The following AGBL3 variants were observed in gnomAD, a reference collection of about 807,000 sequenced individuals.
AGBL3 encodes the protein AGBL carboxypeptidase 3, also known as cytosolic carboxypeptidase 3.
AGBL3 carries 68 observed loss-of-function variants against 94.5 expected under a neutral mutation model. That is an observed-to-expected ratio of 0.72 (90% CI 0.59 to 0.88). The LOEUF (loss-of-function observed/expected upper bound fraction) is 0.88. Ranked by LOEUF, AGBL3 falls within the 40% of genes least tolerant of loss-of-function variation. The pLI is 0.00. For synonymous variants in AGBL3, 354 were observed against 370.7 expected, an observed-to-expected ratio of 0.95 and a Z score of 0.52; for missense variants, 934 against 1,103.8, an observed-to-expected ratio of 0.85 and a Z score of 2.18.
chr7:135,026,277 A>ATTTTATTTTATTTTATTTTATTTTAT (rs1815130352), intron 5 of AGBL3, among the ~76,000 whole-genome samples: 2 of 118,634 alleles, frequency 1.7e-5, no homozygotes, highest in African/African-American at 4.2e-5. Flanking sequence ...ATTTTATTTT[A>ATTTTATTTTATTTTATTTTATTTTAT]TTTTATTTTA....
At chr7:135,048,486 AG>A (rs1230986765) in intron 11 of AGBL3, among the ~76,000 whole-genome samples, 21 of 151,950 alleles carry the variant, frequency 1.4e-4, no homozygotes, top group Admixed American at 1.3e-3. Context: ...ATCCACCAAC[AG>A]GGGATGTCTT....
chr7:134,989,243 A>T lies in AGBL3; in HGVS notation c.64-7A>T. On this transcript the variant is annotated splice_polypyrimidine_tract_variant and splice_region_variant and intron_variant, in intron 2 of 16. Coordinates refer to ENST00000436302, the MANE Select transcript of AGBL3 (RefSeq NM_178563.4). ...AAAAGAGAAATATTTTTAAATTCTT[A>T]TTTTAGGATGAGGATATGTTCATGA... is the stretch of plus-strand genomic sequence containing the variant. 2 of 1,533,494 alleles carry T rather than the reference A, an allele frequency of 1.3e-6. No individual in the cohort carries two copies. Among genetic ancestry groups the T allele is most frequent in the Non-Finnish European group, 1.8e-6 (2 of 1,137,782 alleles). The allele number at this position is 1,533,494 out of a possible 1,614,324, so 95.0% of individuals were successfully genotyped here.
At chr7:135,102,965 G>A (rs1824077891) in intron 15 of AGBL3, among the ~76,000 whole-genome samples, 1 of 152,018 alleles carries the variant, frequency 6.6e-6, no homozygotes, top group Non-Finnish European at 1.5e-5. Flanking sequence ...ACACTGTTAA[G>A]AAAATTAAAA....
intron 12 of AGBL3, among the ~76,000 whole-genome samples, chr7:135,068,555 G>GC (rs1819582198): frequency 6.6e-6 from 1 of 152,210 alleles, no homozygotes; most frequent in African/African-American, 2.4e-5. Context: ...AACTCTACAA[G>GC]CCAGAAGAGA....
In AGBL3 at chr7:135,135,044, A is replaced by C; in HGVS notation, c.2546A>C (p.Asn849Thr). The change falls in exon 17 of 17, where the codon AAT (asparagine) becomes ACT (threonine). Residue 849 changes from asparagine (N) to threonine (T), a missense_variant. Transcript: ENST00000436302. ...NKHSQIWAIK[N>T]EDIKPLSSKW... ...CATTCTCAAATCTGGGCCATAAAGAATGAAGACATAAAACCTCTCAGCAGC... is the reference window on the plus strand; with the variant it reads ...CATTCTCAAATCTGGGCCATAAAGACTGAAGACATAAAACCTCTCAGCAGC... 1 of 1,551,280 alleles carries C rather than the reference A, an allele frequency of 6.4e-7. No individual in the cohort carries two copies. The highest frequency in any genetic ancestry group is 8.7e-7 in the Non-Finnish European group (1 of 1,146,680).
chr7:135,011,920 C>A (rs1448890701), intron 4 of AGBL3: 1 of 152,084 alleles, frequency 6.6e-6, no homozygotes, highest in Non-Finnish European at 1.5e-5. Context: ...CAGTTGTATA[C>A]CTAAAACTGA....
chr7:135,004,335 C>T (rs1052928061), intron 4 of AGBL3, among the ~76,000 whole-genome samples: 1 of 151,476 alleles, frequency 6.6e-6, no homozygotes. Context: ...CCTGTTTTCT[C>T]ATTTTATGCA....
Position 135,034,265 on chromosome 7 carries a change from T to C in AGBL3, c.674T>C (p.Ile225Thr), listed in dbSNP as rs530576253. 12 of 1,551,788 alleles carry C rather than the reference T, an allele frequency of 7.7e-6. No individual in the cohort carries two copies. In the African/African-American group the frequency reaches 1.6e-4, roughly 21 times the overall value. Residue 225 changes from isoleucine to threonine, a missense_variant, in exon 7 of 17, where the codon ATT (isoleucine) becomes ACT (threonine). This residue lies in a region of AGBL3 where 488 missense variants were observed against 563.6 expected (regional missense o/e 0.87). Coordinates refer to ENST00000436302, the MANE Select transcript of AGBL3 (RefSeq NM_178563.4). Reference protein sequence around the residue: ...MRAGIVYRFTIVNFTKPASLY... With the variant: ...MRAGIVYRFTTVNFTKPASLY... ...GCAGGAATAGTCTACAGATTCACTA[T>C]TGTCAACTTCACCAAACCTGCTAGT...
chr7:135,025,098 T>G (rs918502432), intron 5 of AGBL3, among the ~76,000 whole-genome samples: 5 of 151,420 alleles, frequency 3.3e-5, no homozygotes, highest in African/African-American at 1.2e-4. Flanking sequence ...GAGGTTAACA[T>G]GAAAATTCAA....
At chr7:134,989,193 C>G in intron 2 of AGBL3, 57 bp from the exon 3 acceptor site, 3 of 1,292,896 alleles carry the variant, frequency 2.3e-6, no homozygotes, top group Non-Finnish European at 3.2e-6. Flanking sequence ...TAAAAAAATT[C>G]TGGATTTGAA....
At chr7:135,024,203 G>T (rs944066192) in intron 5 of AGBL3, among the ~76,000 whole-genome samples, 2 of 152,146 alleles carry the variant, frequency 1.3e-5, no homozygotes, top group African/African-American at 4.8e-5. Context: ...GATTGGAGGG[G>T]ACTCCTACAA....
chr7:135,036,364 A>ATT lies in AGBL3; in HGVS notation c.1338-1047_1338-1046dup, dbSNP rs11395716. Reference sequence around the variant, plus strand: ...AGGTTGTGCTCTTCAGGAATGTGTAATTTTTTTTAGATATTTGTTAGAAAT... The same window carrying ATT: ...AGGTTGTGCTCTTCAGGAATGTGTAATTTTTTTTTTAGATATTTGTTAGAAAT... On this transcript the variant is annotated intron_variant, in intron 7 of 16. Transcript: ENST00000436302. 1.7e-3 allele frequency among the ~76,000 whole-genome samples: 251 copies of ATT among 151,770 alleles called. 2 individuals are homozygous for ATT. Among genetic ancestry groups the ATT allele is most frequent in the African/African-American group, 6.0e-3 (247 of 41,398 alleles).
chr7:135,014,013 G>A (rs865900609), intron 4 of AGBL3, among the ~76,000 whole-genome samples: 3 of 151,814 alleles, frequency 2.0e-5, no homozygotes, highest in South Asian at 2.1e-4. Context: ...TGGGCAACAC[G>A]GTGGAACTCC....
At chr7:135,126,755 A>C (rs1187609599) in intron 16 of AGBL3, among the ~76,000 whole-genome samples, 10 of 152,234 alleles carry the variant, frequency 6.6e-5, no homozygotes, top group Non-Finnish European at 1.5e-4. Flanking sequence ...CCTGACAAAA[A>C]CAAGCAATGG....
Position 135,053,662 on chromosome 7 carries a change from C to T in AGBL3, c.1842-5507C>T, listed in dbSNP as rs184705802. On this transcript the variant is annotated intron_variant, in intron 11 of 16. Coordinates refer to ENST00000436302, the MANE Select transcript of AGBL3 (RefSeq NM_178563.4). Reference sequence around the variant, plus strand: ...CACAAAGGATTCAGCCAAAGCTGGACGACCATCTGCTATGGGACTTAATAA... The same window carrying T: ...CACAAAGGATTCAGCCAAAGCTGGATGACCATCTGCTATGGGACTTAATAA... 1.4e-4 allele frequency among the ~76,000 whole-genome samples: 22 copies of T among 152,178 alleles called. No individual in the cohort carries two copies. In the South Asian group the frequency reaches 2.7e-3, roughly 19 times the overall value.
At chr7:135,009,593 T>C (rs1431312095) in intron 4 of AGBL3, among the ~76,000 whole-genome samples, 3 of 152,166 alleles carry the variant, frequency 2.0e-5, no homozygotes, top group Admixed American at 2.0e-4. Context: ...GGGAGATGCA[T>C]AGATGGGTCT....
At chr7:135,098,609 A>AG (rs1213266161) in intron 15 of AGBL3, among the ~76,000 whole-genome samples, 1 of 152,192 alleles carries the variant, frequency 6.6e-6, no homozygotes, top group Non-Finnish European at 1.5e-5. Flanking sequence ...GAATGATACC[A>AG]GGAGCAGTGT....
chr7:135,032,858 T>C lies in AGBL3; in HGVS notation c.433T>C (p.Cys145Arg), dbSNP rs1043175489. 14 of 1,548,576 alleles carry C rather than the reference T, an allele frequency of 9.0e-6. No individual in the cohort carries two copies. In the African/African-American group the frequency reaches 1.8e-4, roughly 20 times the overall value. The change falls in exon 6 of 17, where the codon TGT becomes CGT. Residue 145 changes from cysteine (C) to arginine (R), a missense_variant. Physicochemically the swap from Cys to Arg is radical, Grantham distance 180 (BLOSUM62 -3). Transcript: ENST00000436302. ...TCTCTCATCAGCTTACAAAGAGCCC[T>C]GTTTTGTGTATTCCCGAGTTGGGGG... ...YLAEDAYKEP[C>R]FVYSRVGGNR...
At chr7:135,113,492 T>C (rs1825913375) in intron 15 of AGBL3, among the ~76,000 whole-genome samples, 1 of 152,240 alleles carries the variant, frequency 6.6e-6, no homozygotes. Flanking sequence ...AAGCACAGTG[T>C]ATTTCTTGCT....
Sources: allele counts gnomAD v4.1 joint callset (sites outside exome capture counted in the v4.1 genomes callset), GRCh38; gene constraint gnomAD v4.1.1; regional missense constraint gnomAD v4.1.1; transcripts MANE v1.5; gene names NCBI Gene and HGNC (gene_info 2026-07-23, HGNC 2026-07-21).